The following MYO10 variants were observed in gnomAD, a reference collection of about 807,000 sequenced individuals.
MYO10 encodes the protein myosin X, also known as unconventional myosin-X.
A neutral mutation model predicts 257.3 loss-of-function variants in MYO10; 133 were observed. The observed-to-expected ratio is 0.52, with a 90% CI of 0.45 to 0.60. MYO10 has a LOEUF of 0.60. Among genes scored for constraint, MYO10 ranks in the 20% least tolerant of loss-of-function variants. The pLI, the probability that MYO10 is intolerant of heterozygous loss-of-function variation, is 0.00. For missense variants in MYO10, 2,399 were observed against 2,635.7 expected, an observed-to-expected ratio of 0.91 and a Z score of 1.97; for synonymous variants, 1,104 against 1,028.6, an observed-to-expected ratio of 1.07 and a Z score of -1.40.
intron 21 of MYO10, among the ~76,000 whole-genome samples, chr5:16,706,707 C>A (rs979897827): frequency 6.6e-6 from 1 of 152,186 alleles, no homozygotes; most frequent in Non-Finnish European, 1.5e-5. Context: ...TGGTTAGAAT[C>A]AGAATCAGAC....
intron 2 of MYO10, among the ~76,000 whole-genome samples, chr5:16,874,263 C>T (rs1418171294): frequency 2.2e-5 from 3 of 139,286 alleles, no homozygotes; most frequent in East Asian, 2.2e-4. Context: ...GAACCCGGGA[C>T]GTAGAGCTTG....
intron 1 of MYO10, among the ~76,000 whole-genome samples, chr5:16,910,671 T>C (rs1362339912): frequency 6.6e-6 from 1 of 152,216 alleles, no homozygotes; most frequent in Non-Finnish European, 1.5e-5. Context: ...CACCATTTCA[T>C]TCCCTAGCGA....
intron 3 of MYO10, among the ~76,000 whole-genome samples, chr5:16,810,566 G>A (rs976930629): frequency 6.6e-6 from 1 of 152,160 alleles, no homozygotes; most frequent in Non-Finnish European, 1.5e-5. Flanking sequence ...GGTCAAGGTG[G>A]GAGGATGGCT....
intron 37 of MYO10, among the ~76,000 whole-genome samples, chr5:16,672,247 G>C (rs1440026358): frequency 7.0e-6 from 1 of 143,500 alleles, no homozygotes; most frequent in South Asian, 2.2e-4. Context: ...GTGAGCCAAG[G>C]TTGCGCCACT....
At position 16,860,008 on chromosome 5, in the gene MYO10, T is replaced by G. The variant is rs910104007; in HGVS notation, c.120+17601A>C. 9.9e-4 allele frequency among the ~76,000 whole-genome samples: 150 copies of G among 152,278 alleles called. 1 individual carries two copies. Among genetic ancestry groups the G allele is most frequent in the African/African-American group, 3.5e-3 (144 of 41,560 alleles). ...CAAAGACCACCCTTGATGGCCACCA[T>G]GTATGTAGCTCAATGGAGGGGAAAG... is the stretch of plus-strand genomic sequence containing the variant. On this transcript the variant is annotated intron_variant, in intron 2 of 40. Transcript: ENST00000513610.
chr5:16,702,467 G>C (rs1738125078), intron 24 of MYO10, 76 bp downstream of exon 24: 2 of 1,311,436 alleles, frequency 1.5e-6, no homozygotes, highest in Non-Finnish European at 2.1e-6. Context: ...ATTCAGTTTT[G>C]AATCCTAGAG....
chr5:16,685,715 C>A (rs747623709), intron 29 of MYO10, 23 bp downstream of exon 29: 1 of 1,551,924 alleles, frequency 6.4e-7, no homozygotes, highest in Non-Finnish European at 8.8e-7. Context: ...GCCCCACCCC[C>A]ATCCCACACA....
At chr5:16,904,211 C>T (rs1193151239) in intron 1 of MYO10, among the ~76,000 whole-genome samples, 1 of 152,140 alleles carries the variant, frequency 6.6e-6, no homozygotes, top group Non-Finnish European at 1.5e-5. Context: ...GAGGGTGGCA[C>T]ACCTAGGGAG....
chr5:16,762,916 T>C (rs1740760509), intron 14 of MYO10, among the ~76,000 whole-genome samples: 1 of 148,536 alleles, frequency 6.7e-6, no homozygotes, highest in African/African-American at 2.5e-5. Context: ...GTGAGCCAAG[T>C]CTGTGTCACT....
chr5:16,850,114 A>G (rs1743755477), intron 2 of MYO10, among the ~76,000 whole-genome samples: 1 of 151,172 alleles, frequency 6.6e-6, no homozygotes, highest in Non-Finnish European at 1.5e-5. Context: ...ATTGGTCTAC[A>G]CTGATATCCT....
intron 2 of MYO10, among the ~76,000 whole-genome samples, chr5:16,846,179 T>C (rs983359346): frequency 3.3e-5 from 5 of 152,172 alleles, no homozygotes; most frequent in African/African-American, 1.2e-4. Context: ...CTGACTTTGT[T>C]TTCAAAGTGA....
intron 2 of MYO10, among the ~76,000 whole-genome samples, chr5:16,865,837 T>C (rs1304158607): frequency 6.6e-6 from 1 of 151,306 alleles, no homozygotes; most frequent in Non-Finnish European, 1.5e-5. Context: ...ATAATAATAG[T>C]AAAAAATAAA....
At position 16,768,664 on chromosome 5, in the gene MYO10, C is replaced by CTTTTTTTTTTTTTTT. The variant is rs34950225; in HGVS notation, c.1060+395_1060+409dup. ...AAGGAGTCAGAACATTTTCTCTTTT[C>CTTTTTTTTTTTTTTT]TTTTTTTTTTTTTTTTTTTTTTTTT... On this transcript the variant is annotated intron_variant, in intron 10 of 40. Coordinates refer to ENST00000513610, the MANE Select transcript of MYO10 (RefSeq NM_012334.3). Among the ~76,000 whole-genome samples the CTTTTTTTTTTTTTTT allele has an allele frequency of 6.3e-4, 44 of 70,162 alleles. 2 individuals are homozygous for CTTTTTTTTTTTTTTT. Among genetic ancestry groups the CTTTTTTTTTTTTTTT allele is most frequent in the South Asian group, 1.5e-3 (2 of 1,372 alleles). 46.0% of individuals were successfully genotyped at this position (70,162 alleles called of 152,430 possible). A position where few individuals can be genotyped will look rare whatever the true frequency, so the allele number is the denominator to read the frequency against.
Position 16,855,032 on chromosome 5 carries a change from C to CA in MYO10, c.120+22576dup, listed in dbSNP as rs561731686. Reference sequence around the variant, plus strand: ...AGACGACAACAGTGAGACTCCATCTCAAAAAAAAAAACCAAAAAAACTGTT... The same window carrying CA: ...AGACGACAACAGTGAGACTCCATCTCAAAAAAAAAAAACCAAAAAAACTGTT... On this transcript the variant is annotated intron_variant, in intron 2 of 40. Coordinates refer to ENST00000513610, the MANE Select transcript of MYO10 (RefSeq NM_012334.3). Among the ~76,000 whole-genome samples the CA allele has an allele frequency of 8.1e-3, 1,143 of 141,826 alleles. 10 individuals are homozygous for CA. The highest frequency in any genetic ancestry group is 0.021 in the African/African-American group (818 of 38,832). 93.0% of individuals were successfully genotyped at this position (141,826 alleles called of 152,430 possible).
intron 1 of MYO10, among the ~76,000 whole-genome samples, chr5:16,882,990 A>G (rs1744799719): frequency 6.6e-6 from 1 of 150,818 alleles, no homozygotes; most frequent in African/African-American, 2.5e-5. Flanking sequence ...ATCTCGGCTC[A>G]CTGCAAGCTC....
At chr5:16,892,321 CAT>C (rs1472828160) in intron 1 of MYO10, among the ~76,000 whole-genome samples, 4 of 152,124 alleles carry the variant, frequency 2.6e-5, no homozygotes, top group East Asian at 1.9e-4. Context: ...AAAAAGATCA[CAT>C]GAGACGGCTA....
chr5:16,914,773 C>T (rs562945660), intron 1 of MYO10, among the ~76,000 whole-genome samples: 2 of 152,260 alleles, frequency 1.3e-5, no homozygotes, highest in South Asian at 2.1e-4. Flanking sequence ...GCCACCTGGC[C>T]GTGAGAGCAG....
At chr5:16,908,604 T>A (rs1745577314) in intron 1 of MYO10, among the ~76,000 whole-genome samples, 1 of 152,230 alleles carries the variant, frequency 6.6e-6, no homozygotes, top group Non-Finnish European at 1.5e-5. Flanking sequence ...AAATATGCCA[T>A]GACACTAATA....
intron 3 of MYO10, among the ~76,000 whole-genome samples, chr5:16,801,031 G>T (rs1403470564): frequency 6.6e-6 from 1 of 151,992 alleles, no homozygotes; most frequent in African/African-American, 2.4e-5. Context: ...GTGCACCCTA[G>T]AAGCTGCCTG....
Sources: gnomAD v4.1 joint callset for allele counts (sites outside exome capture counted in the v4.1 genomes callset) on GRCh38, gnomAD v4.1.1 for gene constraint, MANE v1.5 for transcripts, NCBI Gene and HGNC (gene_info 2026-07-23, HGNC 2026-07-21) for gene names.